BICD1: variants seen among roughly 807,000 people sequenced by gnomAD.
BICD1 encodes BICD cargo adaptor 1, also known as protein bicaudal D homolog 1.
A neutral mutation model predicts 92.5 loss-of-function variants in BICD1; 35 were observed. The ratio of observed to expected loss-of-function variants is 0.38; its 90% CI spans 0.29 to 0.50. The LOEUF is 0.50. BICD1 is among the 20% of genes least tolerant of loss of function. BICD1 has a pLI of 0.93. For missense variants in BICD1, 950 were observed against 1,189.8 expected, an observed-to-expected ratio of 0.80 and a Z score of 2.97; for synonymous variants, 429 against 465.1, an observed-to-expected ratio of 0.92 and a Z score of 1.00.
At chr12:32,190,691 C>T (rs986174241) in intron 1 of BICD1, among the ~76,000 whole-genome samples, 1 of 152,182 alleles carries the variant, frequency 6.6e-6, no homozygotes. Context: ...GTAGATTATC[C>T]AGACAGAAAA....
chr12:32,191,110 G>A (rs1285657344), intron 1 of BICD1, among the ~76,000 whole-genome samples: 2 of 152,120 alleles, frequency 1.3e-5, no homozygotes, highest in African/African-American at 4.8e-5. Flanking sequence ...GAAGTTTAGA[G>A]GGATAAAGGC....
At chr12:32,208,642 G>A (rs1454538262) in intron 1 of BICD1, among the ~76,000 whole-genome samples, 1 of 152,094 alleles carries the variant, frequency 6.6e-6, no homozygotes, top group Non-Finnish European at 1.5e-5. Flanking sequence ...GTACTTCTGA[G>A]TTGCCTGGCC....
In BICD1 at chr12:32,382,998, C is replaced by G. The variant is rs1267832709; in HGVS notation, c.*5371C>G. On this transcript the variant is annotated 3_prime_UTR_variant, in exon 10 of 10. Transcript: ENST00000652176. ...TTTGACTATGAGAGTCAAACAATTA[C>G]TATTTGAAAATCTCTTATGACATTT... 1 of 151,654 alleles carries G rather than the reference C, an allele frequency of 6.6e-6. No individual in the cohort carries two copies. The highest frequency in any genetic ancestry group is 1.5e-5 in the Non-Finnish European group (1 of 67,826). The allele number at this position is 151,654 out of a possible 1,614,324, so 9.4% of individuals were successfully genotyped here.
intron 3 of BICD1, among the ~76,000 whole-genome samples, chr12:32,296,697 A>G (rs985757395): frequency 2.6e-5 from 4 of 152,210 alleles, no homozygotes; most frequent in Non-Finnish European, 5.9e-5. Flanking sequence ...TCTCTAGAGC[A>G]TGGTGAGAGC....
intron 1 of BICD1, among the ~76,000 whole-genome samples, chr12:32,150,318 G>C (rs1028058247): frequency 6.6e-6 from 1 of 152,192 alleles, no homozygotes; most frequent in African/African-American, 2.4e-5. Context: ...TGAACATCTG[G>C]ACAGTAGCAA....
At chr12:32,333,539 T>C (rs1477872238) in intron 5 of BICD1, among the ~76,000 whole-genome samples, 2 of 150,560 alleles carry the variant, frequency 1.3e-5, no homozygotes, top group African/African-American at 5.0e-5. Flanking sequence ...GTAGTCTTCC[T>C]GGGAAATCCC....
At chr12:32,125,667 C>G (rs954494605) in intron 1 of BICD1, among the ~76,000 whole-genome samples, 20 of 152,028 alleles carry the variant, frequency 1.3e-4, no homozygotes, top group Admixed American at 2.0e-4. Flanking sequence ...AAAAACTAGC[C>G]CTTAAATGGA....
chr12:32,260,185 A>G (rs541601083), intron 2 of BICD1, among the ~76,000 whole-genome samples: 39 of 152,290 alleles, frequency 2.6e-4, no homozygotes, highest in Admixed American at 1.7e-3. Context: ...TCCGCCTCCC[A>G]AAGTGTTGGG....
At position 32,355,576 on chromosome 12, in the gene BICD1, C is replaced by T. The variant is rs1002719404; in HGVS notation, c.2765-12094C>T. 3.3e-5 allele frequency among the ~76,000 whole-genome samples: 5 copies of T among 152,138 alleles called. No individual in the cohort carries two copies. The East Asian group carries it at 5.8e-4, about 18-fold the overall frequency. Reference sequence around the variant, plus strand: ...CAGCACTTTGGGAGGCTGAGGCAGGCGGATTGCTTGAGGTCAGGAGTATGA... The same window carrying T: ...CAGCACTTTGGGAGGCTGAGGCAGGTGGATTGCTTGAGGTCAGGAGTATGA... On this transcript the variant is annotated intron_variant, in intron 8 of 9. Transcript: ENST00000652176.
At chr12:32,263,985 A>G (rs764983134) in intron 2 of BICD1, among the ~76,000 whole-genome samples, 3 of 152,206 alleles carry the variant, frequency 2.0e-5, no homozygotes, top group Non-Finnish European at 4.4e-5. Context: ...CATTTTTTAA[A>G]GCACCATACA....
At chr12:32,107,711 C>A in intron 1 of BICD1, 167 bp downstream of exon 1, 1 of 851,024 alleles carries the variant, frequency 1.2e-6, no homozygotes, top group Non-Finnish European at 1.9e-6. Flanking sequence ...TTTCCTCCCC[C>A]AAGAGAAAAA....
chr12:32,109,748 A>G (rs1386363234), intron 1 of BICD1: 2 of 151,966 alleles, frequency 1.3e-5, no homozygotes, highest in Non-Finnish European at 2.9e-5. Context: ...GAGGCCTATT[A>G]TTTTTATTCT....
At chr12:32,288,687 G>A (rs918198497) in intron 2 of BICD1, among the ~76,000 whole-genome samples, 16 of 151,976 alleles carry the variant, frequency 1.1e-4, no homozygotes, top group Non-Finnish European at 2.2e-4. Context: ...CCAACACAAC[G>A]AAATCCTGTC....
At chr12:32,190,576 C>T (rs1166156104) in intron 1 of BICD1, among the ~76,000 whole-genome samples, 1 of 152,200 alleles carries the variant, frequency 6.6e-6, no homozygotes, top group South Asian at 2.1e-4. Context: ...GTGCACCCCA[C>T]ATTGAAGCAT....
At chr12:32,229,617 A>G (rs1328686547) in intron 2 of BICD1, among the ~76,000 whole-genome samples, 2 of 152,206 alleles carry the variant, frequency 1.3e-5, no homozygotes, top group South Asian at 2.1e-4. Context: ...AGAAGTTTCC[A>G]TAGAGTGTTG....
chr12:32,190,787 GA>G (rs1183294308), intron 1 of BICD1, among the ~76,000 whole-genome samples: 1 of 152,146 alleles, frequency 6.6e-6, no homozygotes, highest in Non-Finnish European at 1.5e-5. Flanking sequence ...AATAGCAGCA[GA>G]ATACACGTTT....
intron 1 of BICD1, among the ~76,000 whole-genome samples, chr12:32,144,891 CA>C (rs1475319449): frequency 6.6e-6 from 1 of 152,142 alleles, no homozygotes. Context: ...CTTTTCTATT[CA>C]AATACAAAGC....
At chr12:32,291,327 AG>A (rs1447375082) in intron 2 of BICD1, among the ~76,000 whole-genome samples, 1 of 151,726 alleles carries the variant, frequency 6.6e-6, no homozygotes, top group African/African-American at 2.4e-5. Flanking sequence ...GCTTGAGCCC[AG>A]GCATTCGAGA....
At chr12:32,147,868 G>C (rs1943161989) in intron 1 of BICD1, among the ~76,000 whole-genome samples, 1 of 152,132 alleles carries the variant, frequency 6.6e-6, no homozygotes, top group East Asian at 1.9e-4. Flanking sequence ...GCCAAGTGCT[G>C]TGGCACACGC....
Sources: allele counts gnomAD v4.1 joint callset (sites outside exome capture counted in the v4.1 genomes callset), GRCh38; gene constraint gnomAD v4.1.1; transcripts MANE v1.5; gene names NCBI Gene and HGNC (gene_info 2026-07-23, HGNC 2026-07-21).